The following MYO3B variants were observed in gnomAD, a reference collection of about 807,000 sequenced individuals.
The protein encoded by MYO3B is myosin-IIIb.
A neutral mutation model predicts 174.6 loss-of-function variants in MYO3B; 156 were observed. The observed-to-expected ratio is 0.89, with a 90% CI of 0.78 to 1.02. MYO3B has a LOEUF of 1.02. Ranked by LOEUF, MYO3B falls within the 50% of genes least tolerant of loss-of-function variation. The pLI is 0.00. For missense variants in MYO3B, 1,632 were observed against 1,639.4 expected, an observed-to-expected ratio of 1.00 and a Z score of 0.08; for synonymous variants, 563 against 569.1, an observed-to-expected ratio of 0.99 and a Z score of 0.15.
intron 6 of MYO3B, among the ~76,000 whole-genome samples, chr2:170,232,141 A>C (rs910791291): frequency 4.6e-5 from 7 of 152,202 alleles, no homozygotes; most frequent in Non-Finnish European, 1.0e-4. Flanking sequence ...GTTCTTTTTG[A>C]GGTCACCTTC....
At chr2:170,588,999 G>A (rs1251508219) in intron 32 of MYO3B, among the ~76,000 whole-genome samples, 1 of 152,160 alleles carries the variant, frequency 6.6e-6, no homozygotes, top group East Asian at 1.9e-4. Context: ...ATAAGAATGA[G>A]ATTGGGAGCT....
chr2:170,623,556 G>T (rs1696125407), intron 32 of MYO3B, among the ~76,000 whole-genome samples: 1 of 152,096 alleles, frequency 6.6e-6, no homozygotes, highest in Non-Finnish European at 1.5e-5. Context: ...TTCTTTTGCT[G>T]TGCAGAAGCT....
chr2:170,507,254 T>C lies in MYO3B; in HGVS notation c.3370+5389T>C, dbSNP rs1687671111. Among the ~76,000 whole-genome samples the C allele has an allele frequency of 3.9e-5, 6 of 152,114 alleles. No individual in the cohort carries two copies. The South Asian group carries it at 1.2e-3, about 32-fold the overall frequency. ...TGCAAACTAGCCCTCCCCATCCGCCTACCCCCCCATCTTCTAAACCTTTGT... is the reference window on the plus strand; with the variant it reads ...TGCAAACTAGCCCTCCCCATCCGCCCACCCCCCCATCTTCTAAACCTTTGT... On this transcript the variant is annotated intron_variant, in intron 28 of 34. Transcript: ENST00000408978.
At chr2:170,187,229 C>CT (rs1053075262) in intron 1 of MYO3B, among the ~76,000 whole-genome samples, 44 of 151,248 alleles carry the variant, frequency 2.9e-4, no homozygotes, top group East Asian at 7.8e-4. Flanking sequence ...TTTTCTAGTT[C>CT]TTTTTTTTGT....
At chr2:170,515,095 G>A in intron 29 of MYO3B, 73 bp downstream of exon 29, 1 of 1,259,054 alleles carries the variant, frequency 7.9e-7, no homozygotes, top group Non-Finnish European at 1.1e-6. Flanking sequence ...AAAGCTGGAA[G>A]TGATCACCTC....
intron 32 of MYO3B, among the ~76,000 whole-genome samples, chr2:170,636,192 C>T (rs1327031139): frequency 6.6e-6 from 1 of 152,092 alleles, no homozygotes. Context: ...AGTTTGTTGG[C>T]CATACACTTG....
At chr2:170,468,942 G>A (rs1559031874) in intron 25 of MYO3B, among the ~76,000 whole-genome samples, 1 of 152,114 alleles carries the variant, frequency 6.6e-6, no homozygotes, top group Non-Finnish European at 1.5e-5. Flanking sequence ...ATCACCTGAG[G>A]TTAGGAGTTC....
At chr2:170,514,421 C>T (rs539083127) in intron 28 of MYO3B, among the ~76,000 whole-genome samples, 5 of 152,108 alleles carry the variant, frequency 3.3e-5, no homozygotes, top group East Asian at 1.9e-4. Context: ...ATCAGGGCTG[C>T]GAGTTCACAG....
At chr2:170,297,750 A>G (rs1381684653) in intron 7 of MYO3B, among the ~76,000 whole-genome samples, 1 of 152,200 alleles carries the variant, frequency 6.6e-6, no homozygotes, top group Non-Finnish European at 1.5e-5. Flanking sequence ...ACATTTAGTA[A>G]AACACTGAAA....
intron 3 of MYO3B, among the ~76,000 whole-genome samples, chr2:170,212,499 C>T (rs902629248): frequency 9.9e-5 from 15 of 152,178 alleles, no homozygotes; most frequent in Admixed American, 7.2e-4. Context: ...TTTCCTTAAG[C>T]CCTACGCCTG....
At chr2:170,242,837 G>T (rs1442591448) in intron 7 of MYO3B, among the ~76,000 whole-genome samples, 1 of 152,138 alleles carries the variant, frequency 6.6e-6, no homozygotes, top group African/African-American at 2.4e-5. Context: ...AAAGAAGTAG[G>T]CAAGGAAACA....
chr2:170,259,145 A>G (rs563475274), intron 7 of MYO3B, among the ~76,000 whole-genome samples: 37 of 152,322 alleles, frequency 2.4e-4, no homozygotes, highest in African/African-American at 8.2e-4. Flanking sequence ...GTCCCTTAGC[A>G]ATCTATAGAT....
intron 19 of MYO3B, 99 bp downstream of exon 19, chr2:170,403,094 G>C: frequency 8.4e-7 from 1 of 1,184,240 alleles, no homozygotes; most frequent in Non-Finnish European, 1.1e-6. Context: ...ACAACTAAAA[G>C]ACCCTAGAGA....
At chr2:170,488,802 C>G (rs1483519703) in intron 25 of MYO3B, among the ~76,000 whole-genome samples, 3 of 152,192 alleles carry the variant, frequency 2.0e-5, no homozygotes, top group African/African-American at 4.8e-5. Flanking sequence ...CTCTAATAAT[C>G]TGATAACTCA....
At chr2:170,227,022 C>A (rs1216161206) in intron 6 of MYO3B, among the ~76,000 whole-genome samples, 1 of 152,214 alleles carries the variant, frequency 6.6e-6, no homozygotes, top group African/African-American at 2.4e-5. Context: ...TTACCCATGA[C>A]TGACCTCCAG....
chr2:170,557,040 T>G (rs1157254862), intron 32 of MYO3B, among the ~76,000 whole-genome samples: 4 of 152,230 alleles, frequency 2.6e-5, no homozygotes, highest in Admixed American at 1.3e-4. Flanking sequence ...GTTCTTTGTA[T>G]ATTTTGGATA....
intron 5 of MYO3B, among the ~76,000 whole-genome samples, chr2:170,216,758 A>G (rs1448586881): frequency 6.6e-6 from 1 of 152,232 alleles, no homozygotes; most frequent in Non-Finnish European, 1.5e-5. Flanking sequence ...CCATAAAATG[A>G]AGCCCCTTAT....
intron 32 of MYO3B, chr2:170,646,852 G>A: frequency 9.4e-7 from 1 of 1,065,206 alleles, no homozygotes; most frequent in Non-Finnish European, 1.3e-6. Context: ...CGTCAGGATA[G>A]TTCAACATTT....
rs746234456 is a variant in MYO3B at position 170,444,024 on chromosome 2, A to T, written c.2708A>T (p.His903Leu). ...GTGGCCTCAAGTTCTTTGCCTCCAC[A>T]TTTCAGTGCTGGGAAAGCCAAGGTG... The part of the protein sequence containing the change: ...ITVASSSLPP[H>L]FSAGKAKVDT... The change falls in exon 23 of 35, where the codon CAT becomes CTT. Residue 903 changes from histidine (H) to leucine (L), a missense_variant. By Grantham distance (99) the His-to-Leu change is moderately conservative. Transcript: ENST00000408978. 7 of 1,613,264 alleles carry T rather than the reference A, an allele frequency of 4.3e-6. No individual in the cohort carries two copies. The Admixed American group carries it at 1.2e-4, about 27-fold the overall frequency.
Sources: allele counts gnomAD v4.1 joint callset (sites outside exome capture counted in the v4.1 genomes callset), GRCh38; gene constraint gnomAD v4.1.1; transcripts MANE v1.5; gene names NCBI Gene and HGNC (gene_info 2026-07-23, HGNC 2026-07-21).